The following MIPOL1 variants were observed in gnomAD, a reference collection of about 807,000 sequenced individuals.
MIPOL1 encodes the protein mirror-image polydactyly 1.
A neutral mutation model predicts 60.9 loss-of-function variants in MIPOL1; 57 were observed. That is an observed-to-expected ratio of 0.94 (90% CI 0.76 to 1.17). The LOEUF (loss-of-function observed/expected upper bound fraction) is 1.17, where lower values mean the gene tolerates loss of function less well. MIPOL1 is among the 50% of genes most tolerant of loss of function. The probability of loss-of-function intolerance (pLI) is 0.00; values close to 1 mark genes in which losing one functional copy is unlikely to be tolerated. For missense variants in MIPOL1, 551 were observed against 511.6 expected (o/e 1.08, Z -0.74); for synonymous variants, 179 against 168.8 (o/e 1.06, Z -0.47).
chr14:37,371,360 T>A (rs1344205908), intron 10 of MIPOL1, among the ~76,000 whole-genome samples: 3 of 152,112 alleles, frequency 2.0e-5, no homozygotes, highest in Non-Finnish European at 4.4e-5. Context: ...AAAACAAATA[T>A]TAAACCCTCA....
At chr14:37,249,641 A>T (rs193089685) in intron 3 of MIPOL1, among the ~76,000 whole-genome samples, 1 of 152,310 alleles carries the variant, frequency 6.6e-6, no homozygotes, top group African/African-American at 2.4e-5. Flanking sequence ...CAAAGTTAAT[A>T]GTGCGTATAT....
chr14:37,391,964 A>T (rs1013904659), intron 10 of MIPOL1, among the ~76,000 whole-genome samples: 5 of 152,214 alleles, frequency 3.3e-5, no homozygotes, highest in African/African-American at 4.8e-5. Flanking sequence ...ATACTTAAAT[A>T]GTCTAAATTA....
chr14:37,399,149 CTGAA>C (rs1318532215), intron 10 of MIPOL1, among the ~76,000 whole-genome samples: 1 of 152,152 alleles, frequency 6.6e-6, no homozygotes, highest in Non-Finnish European at 1.5e-5. Flanking sequence ...GTTGCAACCT[CTGAA>C]TGAATATGTG....
At chr14:37,416,121 CA>C (rs1026744078) in intron 10 of MIPOL1, among the ~76,000 whole-genome samples, 2 of 152,178 alleles carry the variant, frequency 1.3e-5, no homozygotes, top group African/African-American at 4.8e-5. Flanking sequence ...TCTTATACGT[CA>C]CACATCACTA....
intron 9 of MIPOL1, among the ~76,000 whole-genome samples, chr14:37,358,012 C>G (rs1306275476): frequency 1.3e-5 from 2 of 151,550 alleles, no homozygotes; most frequent in Non-Finnish European, 2.9e-5. Flanking sequence ...CTGAGAGGCC[C>G]CCGTGTGTGA....
chr14:37,203,815 C>T (rs1385043239), intron 1 of MIPOL1, among the ~76,000 whole-genome samples: 1 of 152,166 alleles, frequency 6.6e-6, no homozygotes, highest in African/African-American at 2.4e-5. Flanking sequence ...TGAAGTCTCA[C>T]TCTGCCGCCC....
At chr14:37,221,541 T>C (rs920741915) in intron 1 of MIPOL1, among the ~76,000 whole-genome samples, 5 of 152,094 alleles carry the variant, frequency 3.3e-5, no homozygotes, top group Non-Finnish European at 4.4e-5. Context: ...ACAGGAAGCA[T>C]GGCTGGGGAG....
At chr14:37,314,457 A>G (rs1421291539) in intron 9 of MIPOL1, among the ~76,000 whole-genome samples, 2 of 152,224 alleles carry the variant, frequency 1.3e-5, no homozygotes, top group Non-Finnish European at 2.9e-5. Flanking sequence ...AAGACTGCTG[A>G]AGAATGCATG....
rs527650341 is a variant in MIPOL1 at position 37,428,078 on chromosome 14, AG to A, written c.1031+5130del. ...AGAGAAAGTTATTTACCAATATTTA[AG>A]AAAAAAATAAGGCTGGGAAAATATA... On this transcript the variant is annotated intron_variant, in intron 11 of 12. Coordinates refer to ENST00000684589, the MANE Select transcript of MIPOL1 (RefSeq NM_001388067.1). Among the ~76,000 whole-genome samples the A allele has an allele frequency of 4.6e-3, 703 of 152,274 alleles. 4 individuals carry two copies. The highest frequency in any genetic ancestry group is 0.015 in the African/African-American group (623 of 41,540).
intron 10 of MIPOL1, among the ~76,000 whole-genome samples, chr14:37,408,534 G>T (rs2093630345): frequency 6.6e-6 from 1 of 152,122 alleles, no homozygotes; most frequent in Non-Finnish European, 1.5e-5. Context: ...GGAGGCTGAG[G>T]TTGCAGGATC....
At chr14:37,462,207 C>T (rs2094547763) in intron 11 of MIPOL1, among the ~76,000 whole-genome samples, 1 of 152,354 alleles carries the variant, frequency 6.6e-6, no homozygotes, top group South Asian at 2.1e-4. Context: ...CTTAACACCA[C>T]GTGGAAGCTG....
At chr14:37,469,314 AAG>A (rs371136688) in intron 11 of MIPOL1, among the ~76,000 whole-genome samples, 5 of 151,276 alleles carry the variant, frequency 3.3e-5, no homozygotes, top group South Asian at 4.2e-4. Flanking sequence ...GAGCAGGAGG[AAG>A]AGAGAGAGAG....
At chr14:37,426,153 G>A (rs1451881641) in intron 11 of MIPOL1, among the ~76,000 whole-genome samples, 2 of 152,046 alleles carry the variant, frequency 1.3e-5, no homozygotes, top group African/African-American at 2.4e-5. Context: ...AGGAAGGGAT[G>A]GAATTTAGAG....
intron 12 of MIPOL1, among the ~76,000 whole-genome samples, chr14:37,534,158 C>T (rs1039441911): frequency 2.6e-5 from 4 of 151,382 alleles, no homozygotes; most frequent in Admixed American, 2.6e-4. Flanking sequence ...AGCAGTGATT[C>T]ATTGTTATCA....
chr14:37,404,177 AC>A (rs1463965440), intron 10 of MIPOL1, among the ~76,000 whole-genome samples: 1 of 152,200 alleles, frequency 6.6e-6, no homozygotes, highest in African/African-American at 2.4e-5. Context: ...GTGTCTACAA[AC>A]TAAAATGTTT....
chr14:37,360,026 T>G (rs952279879), intron 9 of MIPOL1, among the ~76,000 whole-genome samples: 1 of 152,184 alleles, frequency 6.6e-6, no homozygotes, highest in African/African-American at 2.4e-5. Flanking sequence ...GTTTTTAGCA[T>G]GAAGGGCTGT....
chr14:37,211,089 C>A (rs1284182694), intron 1 of MIPOL1, among the ~76,000 whole-genome samples: 1 of 152,116 alleles, frequency 6.6e-6, no homozygotes, highest in African/African-American at 2.4e-5. Flanking sequence ...ATAATCTTTG[C>A]AAAGGCAGTT....
rs1404220413 is a variant in MIPOL1, at chr14:37,550,599, C to T, written c.*3628C>T. The T allele has an allele frequency of 6.6e-6, 1 of 151,962 alleles. No homozygotes were observed. Among genetic ancestry groups the T allele is most frequent in the Non-Finnish European group, 1.5e-5 (1 of 67,838 alleles). 9.4% of individuals were successfully genotyped at this position (151,962 alleles called of 1,614,324 possible). A position where few individuals can be genotyped will look rare whatever the true frequency, so the allele number is the denominator to read the frequency against. On this transcript the variant is annotated 3_prime_UTR_variant, in exon 13 of 13. Coordinates refer to ENST00000684589, the MANE Select transcript of MIPOL1 (RefSeq NM_001388067.1). ...GCTCCAGTGATTTCAGTGTTTTGTT[C>T]ATGTTTTATTGGAAATGCACGTGGT...
intron 3 of MIPOL1, among the ~76,000 whole-genome samples, chr14:37,262,555 C>G (rs1291753998): frequency 6.6e-6 from 1 of 152,076 alleles, no homozygotes; most frequent in African/African-American, 2.4e-5. Context: ...TCTCACCCCC[C>G]AAAAGACAGA....
Sources: gnomAD v4.1 joint callset for allele counts (sites outside exome capture counted in the v4.1 genomes callset) on GRCh38, gnomAD v4.1.1 for gene constraint, MANE v1.5 for transcripts, NCBI Gene and HGNC (gene_info 2026-07-23, HGNC 2026-07-21) for gene names.